The following ARPIN variants were observed in gnomAD, a reference collection of about 807,000 sequenced individuals.
ARPIN encodes UPF0552 protein C15orf38.
Under a neutral mutation model 25.9 loss-of-function variants are expected in ARPIN, and 23 were observed. The observed-to-expected ratio is 0.89, with a 90% confidence interval of 0.64 to 1.26. The LOEUF is 1.26. Ranked by LOEUF, ARPIN falls within the 50% of genes most tolerant of loss-of-function variation. The pLI, the probability that ARPIN is intolerant of heterozygous loss-of-function variation, is 0.00. For synonymous variants in ARPIN, 126 were observed against 131.4 expected, an observed-to-expected ratio of 0.96 and a Z score of 0.28; for missense variants, 333 against 312.2, an observed-to-expected ratio of 1.07 and a Z score of -0.50.
intron 2 of ARPIN, among the ~76,000 whole-genome samples, chr15:89,909,260 T>A (rs1897182629): frequency 6.6e-6 from 1 of 152,072 alleles, no homozygotes; most frequent in Non-Finnish European, 1.5e-5. Flanking sequence ...GTGCTATAAG[T>A]GCTGTTTGCC....
Position 89,896,645 on chromosome 15 carries a change from A to G in ARPIN, c.*5150T>C, listed in dbSNP as rs1896935317. ...TTAATGGAAAAATCGTTGTTAAAAT[A>G]TGGCAAATGGTTATATTTAAAATGC... On this transcript the variant is annotated 3_prime_UTR_variant, in exon 6 of 6. Coordinates refer to ENST00000357484, the MANE Select transcript of ARPIN (RefSeq NM_182616.4). 6.6e-6 allele frequency: 1 copy of G among 152,212 alleles called. No homozygotes were observed. Among genetic ancestry groups the G allele is most frequent in the African/African-American group, 2.4e-5 (1 of 41,448 alleles). 9.4% of individuals were successfully genotyped at this position (152,212 alleles called of 1,614,324 possible).
chr15:89,902,465 A>G (rs1031222361), intron 5 of ARPIN, among the ~76,000 whole-genome samples: 5 of 152,208 alleles, frequency 3.3e-5, no homozygotes, highest in African/African-American at 1.2e-4. Flanking sequence ...TATGACATCA[A>G]TTCAAGTCTT....
In ARPIN at chr15:89,912,845, C is replaced by T. The variant is rs1440074043; in HGVS notation, c.-10G>A. The T allele has an allele frequency of 2.0e-6, 3 of 1,517,808 alleles. No individual in the cohort carries two copies. Among genetic ancestry groups the T allele is most frequent in the Non-Finnish European group, 2.6e-6 (3 of 1,136,642 alleles). 94.0% of individuals were successfully genotyped at this position (1,517,808 alleles called of 1,614,324 possible). The stretch of plus-strand genomic sequence containing the variant: ...GGTAGATGCGGCTCATTCTCCCGAC[C>T]GCCCGGGCACCCCGGCACAGAGCCG... On this transcript the variant is annotated 5_prime_UTR_variant, in exon 1 of 6. Transcript: ENST00000357484.
rs1896926553 is a variant in ARPIN, at chr15:89,896,088, C to CGG, written c.*5706_*5707insCC. On this transcript the variant is annotated 3_prime_UTR_variant, in exon 6 of 6. Coordinates refer to ENST00000357484, the MANE Select transcript of ARPIN (RefSeq NM_182616.4). Reference sequence around the variant, plus strand: ...ATTTTTAGTAGAGATGGGGTTTCACCACATTGGCCAGTCTGGTCTCAAACT... The same window carrying CGG: ...ATTTTTAGTAGAGATGGGGTTTCACCGGACATTGGCCAGTCTGGTCTCAAACT... 6.6e-6 allele frequency: 1 copy of CGG among 152,228 alleles called. No homozygotes were observed. Among genetic ancestry groups the CGG allele is most frequent in the Non-Finnish European group, 1.5e-5 (1 of 68,078 alleles). 9.4% of individuals were successfully genotyped at this position (152,228 alleles called of 1,614,324 possible).
intron 1 of ARPIN, 108 bp downstream of exon 1, chr15:89,912,636 G>A: frequency 7.4e-7 from 1 of 1,347,886 alleles, no homozygotes; most frequent in Admixed American, 4.1e-5. Flanking sequence ...AGGCGGCTTT[G>A]GCAACCCCAG....
Position 89,903,875 on chromosome 15 carries a change from G to A in ARPIN, c.410C>T (p.Thr137Ile), listed in dbSNP as rs750331413. Reference sequence around the variant, plus strand: ...TGACTCGGGCATCCAGAACGCCACTGTGTGGTCGGGGGTGAGGCTCTCTGT... The same window carrying A: ...TGACTCGGGCATCCAGAACGCCACTATGTGGTCGGGGGTGAGGCTCTCTGT... ...ALTESLTPDHTVAFWMPESEM... is the reference protein window; with the variant it reads ...ALTESLTPDHIVAFWMPESEM... Residue 137 changes from threonine (T) to isoleucine (I), a missense_variant, in exon 4 of 6, where the codon ACA (threonine) becomes ATA (isoleucine). Coordinates refer to ENST00000357484, the MANE Select transcript of ARPIN (RefSeq NM_182616.4). The A allele has an allele frequency of 2.5e-5, 41 of 1,613,992 alleles. No individual in the cohort carries two copies.
At chr15:89,902,203 A>G (rs1897033646) in intron 5 of ARPIN, among the ~76,000 whole-genome samples, 1 of 151,958 alleles carries the variant, frequency 6.6e-6, no homozygotes, top group South Asian at 2.1e-4. Flanking sequence ...GAGGTCGGGA[A>G]TTCGAGACCA....
intron 5 of ARPIN, chr15:89,902,749 G>T: frequency 1.7e-6 from 1 of 578,308 alleles, no homozygotes; most frequent in Non-Finnish European, 2.3e-6. Context: ...CTGTGAATAG[G>T]CTGAGGATCA....
intron 1 of ARPIN, 32 bp downstream of exon 1, chr15:89,912,712 A>T: frequency 9.9e-7 from 1 of 1,005,654 alleles, no homozygotes; most frequent in Non-Finnish European, 1.2e-6. Flanking sequence ...GGGGCAGGGG[A>T]GGCCGACCCG....
intron 1 of ARPIN, chr15:89,912,349 C>A (rs1304383702): frequency 3.0e-6 from 3 of 1,012,674 alleles, no homozygotes. Flanking sequence ...GTTCCCGCCA[C>A]AGCACGGCCA....
chr15:89,912,663 T>TGGGGGCCCCC, intron 1 of ARPIN, 81 bp downstream of exon 1: 5 of 871,078 alleles, frequency 5.7e-6, no homozygotes, highest in Non-Finnish European at 7.0e-6. Context: ...CCCACCCGCA[T>TGGGGGCCCCC]CCCACCCCCC....
intron 2 of ARPIN, 112 bp from the exon 3 acceptor site, chr15:89,908,524 G>C: frequency 6.6e-7 from 1 of 1,519,920 alleles, no homozygotes. Flanking sequence ...GCCCACCTCA[G>C]CTCCAAAAGA....
At chr15:89,905,538 AC>A (rs1425230956) in intron 3 of ARPIN, among the ~76,000 whole-genome samples, 3 of 151,086 alleles carry the variant, frequency 2.0e-5, no homozygotes, top group Non-Finnish European at 4.4e-5. Flanking sequence ...GACCCCATGT[AC>A]CCCCACCAGA....
Position 89,897,566 on chromosome 15 carries a change from A to G in ARPIN, c.*4229T>C, listed in dbSNP as rs944362312. ...TTATGTGTGGGCATAGTGTTACAAC[A>G]ACTACCTACAAGCATTACAGATGTT... On this transcript the variant is annotated 3_prime_UTR_variant, in exon 6 of 6. Transcript: ENST00000357484. 1.3e-5 allele frequency: 2 copies of G among 152,216 alleles called. No homozygotes were observed. Among genetic ancestry groups the G allele is most frequent in the African/African-American group, 4.8e-5 (2 of 41,462 alleles). The allele number at this position is 152,216 out of a possible 1,614,324, so 9.4% of individuals were successfully genotyped here. A position where few individuals can be genotyped will look rare whatever the true frequency, so the allele number is the denominator to read the frequency against.
chr15:89,905,031 T>C (rs913886962), intron 3 of ARPIN, among the ~76,000 whole-genome samples: 5 of 151,742 alleles, frequency 3.3e-5, no homozygotes, highest in Admixed American at 1.3e-4. Flanking sequence ...ACCCTTTTTT[T>C]TTTTTTTTGA....
rs1224487184 is a variant in ARPIN, at chr15:89,896,579, A to C, written c.*5216T>G. On this transcript the variant is annotated 3_prime_UTR_variant, in exon 6 of 6. Coordinates refer to ENST00000357484, the MANE Select transcript of ARPIN (RefSeq NM_182616.4). ...GCTTAGAAGCAATAAAAATCACAAAACATCAACAGATATATAAAGTTTTTT... is the reference window on the plus strand; with the variant it reads ...GCTTAGAAGCAATAAAAATCACAAACCATCAACAGATATATAAAGTTTTTT... 3 of 152,184 alleles carry C rather than the reference A, an allele frequency of 2.0e-5. No individual in the cohort carries two copies. Among genetic ancestry groups the C allele is most frequent in the Non-Finnish European group, 2.9e-5 (2 of 68,026 alleles). The allele number at this position is 152,184 out of a possible 1,614,324, so 9.4% of individuals were successfully genotyped here. A position where few individuals can be genotyped will look rare whatever the true frequency, so the allele number is the denominator to read the frequency against.
intron 1 of ARPIN, among the ~76,000 whole-genome samples, chr15:89,911,560 T>C (rs1897224394): frequency 6.6e-6 from 1 of 152,196 alleles, no homozygotes; most frequent in Admixed American, 6.5e-5. Flanking sequence ...AAACTCTACC[T>C]AGCTGGTCTC....
At chr15:89,910,460 G>A (rs1897203322) in intron 2 of ARPIN, among the ~76,000 whole-genome samples, 1 of 152,196 alleles carries the variant, frequency 6.6e-6, no homozygotes, top group African/African-American at 2.4e-5. Context: ...ATTCAGGCAA[G>A]ACTGGGGTTT....
Position 89,897,377 on chromosome 15 carries a change from C to T in ARPIN, c.*4418G>A, listed in dbSNP as rs1246892545. Reference sequence around the variant, plus strand: ...GCGTGTGCCTGTAATCCCAGCTACTCGGGAGGCTAAGGCAGCAGAATAGCT... The same window carrying T: ...GCGTGTGCCTGTAATCCCAGCTACTTGGGAGGCTAAGGCAGCAGAATAGCT... On this transcript the variant is annotated 3_prime_UTR_variant, in exon 6 of 6. Transcript: ENST00000357484. 1 of 152,014 alleles carries T rather than the reference C, an allele frequency of 6.6e-6. No individual in the cohort carries two copies. The allele number at this position is 152,014 out of a possible 1,614,324, so 9.4% of individuals were successfully genotyped here. A position where few individuals can be genotyped will look rare whatever the true frequency, so the allele number is the denominator to read the frequency against.
Sources: gnomAD v4.1 joint callset for allele counts (sites outside exome capture counted in the v4.1 genomes callset) on GRCh38, gnomAD v4.1.1 for gene constraint, MANE v1.5 for transcripts, NCBI Gene and HGNC (gene_info 2026-07-23, HGNC 2026-07-21) for gene names.